SMARCC1: variants seen among roughly 807,000 people sequenced by gnomAD.
The protein encoded by SMARCC1 is SWI/SNF complex subunit SMARCC1.
SMARCC1 carries 43 observed loss-of-function variants against 147.4 expected under a neutral mutation model. The ratio of observed to expected loss-of-function variants is 0.29; its 90% CI spans 0.23 to 0.38. The LOEUF (loss-of-function observed/expected upper bound fraction) is 0.38, where lower values mean the gene tolerates loss of function less well. Among genes scored for constraint, SMARCC1 ranks in the 10% least tolerant of loss-of-function variants. SMARCC1 has a pLI of 1.00. For synonymous variants in SMARCC1, 495 were observed against 484.4 expected, an observed-to-expected ratio of 1.02 and a Z score of -0.29; for missense variants, 1,119 against 1,381.1, an observed-to-expected ratio of 0.81 and a Z score of 3.01.
Position 47,738,112 on chromosome 3 carries a change from TAA to T in SMARCC1, c.402-4_402-3del. On this transcript the variant is annotated splice_region_variant and splice_polypyrimidine_tract_variant and intron_variant, in intron 3 of 27. Coordinates refer to ENST00000254480, the MANE Select transcript of SMARCC1 (RefSeq NM_003074.4). ...GGGTTCTGTAGGTCAAACCTCCGCC[TAA>T]AAAAAAAGAAAAACCCTAGTTAATT... 1.3e-6 allele frequency: 2 copies of T among 1,511,986 alleles called. No homozygotes were observed. The highest frequency in any genetic ancestry group is 2.1e-5 in the Admixed American group (1 of 46,556). 93.7% of individuals were successfully genotyped at this position (1,511,986 alleles called of 1,614,324 possible). A position where few individuals can be genotyped will look rare whatever the true frequency, so the allele number is the denominator to read the frequency against.
At position 47,706,503 on chromosome 3, in the gene SMARCC1, T is replaced by C; in HGVS notation, c.946A>G (p.Arg316Gly). Residue 316 changes from arginine to glycine, a missense_variant, in exon 10 of 28, where the codon AGA (arginine) becomes GGA (glycine). Arg to Gly is a moderately radical substitution (Grantham distance 125). Coordinates refer to ENST00000254480, the MANE Select transcript of SMARCC1 (RefSeq NM_003074.4). Reference sequence around the variant, plus strand: ...TTTCGAGCATTAGCTGATGCTTTTCTATCTCTTCTTTCTGGACTTCTGACT... The same window carrying C: ...TTTCGAGCATTAGCTGATGCTTTTCCATCTCTTCTTTCTGGACTTCTGACT... ...EPVRSPERRDRKASANARKRK... is the reference protein window; with the variant it reads ...EPVRSPERRDGKASANARKRK... 1 of 1,584,250 alleles carries C rather than the reference T, an allele frequency of 6.3e-7. No individual in the cohort carries two copies. Among genetic ancestry groups the C allele is most frequent in the Non-Finnish European group, 8.6e-7 (1 of 1,168,560 alleles).
chr3:47,600,173 G>C (rs1576383358), intron 26 of SMARCC1, among the ~76,000 whole-genome samples: 1 of 152,210 alleles, frequency 6.6e-6, no homozygotes, highest in East Asian at 1.9e-4. Context: ...GGTGTTCTGA[G>C]TATGAGAGGA....
intron 15 of SMARCC1, among the ~76,000 whole-genome samples, chr3:47,679,600 G>A (rs1322297480): frequency 1.3e-5 from 2 of 152,084 alleles, no homozygotes; most frequent in African/African-American, 2.4e-5. Context: ...GGTGGCTCAC[G>A]CCTGTAATCC....
intron 2 of SMARCC1, among the ~76,000 whole-genome samples, chr3:47,763,065 CAAAA>C (rs11285718): frequency 7.1e-6 from 1 of 141,718 alleles, no homozygotes; most frequent in African/African-American, 2.6e-5. Context: ...GACTCCATCT[CAAAA>C]AAAAAAAAAA....
At chr3:47,642,356 A>G (rs1399768707) in intron 21 of SMARCC1, among the ~76,000 whole-genome samples, 1 of 152,120 alleles carries the variant, frequency 6.6e-6, no homozygotes, top group African/African-American at 2.4e-5. Context: ...TTGGGAGGCC[A>G]AGGCAGGTGG....
chr3:47,699,390 G>A (rs2033891262), intron 11 of SMARCC1, among the ~76,000 whole-genome samples: 1 of 151,998 alleles, frequency 6.6e-6, no homozygotes, highest in African/African-American at 2.4e-5. Flanking sequence ...CATTTTCCTT[G>A]CATCTTTGTC....
Position 47,590,576 on chromosome 3 carries a change from G to A in SMARCC1, c.3220+85C>T, listed in dbSNP as rs918172321. 1.4e-5 allele frequency: 17 copies of A among 1,212,342 alleles called. No individual in the cohort carries two copies. In the East Asian group the frequency reaches 1.4e-4, roughly 10 times the overall value. 75.1% of individuals were successfully genotyped at this position (1,212,342 alleles called of 1,614,324 possible). Reference sequence around the variant, plus strand: ...ATCATCCATGGACCTGCCAAATCTCGGGGAGAGAACAAAGCCTCCTTCCCT... The same window carrying A: ...ATCATCCATGGACCTGCCAAATCTCAGGGAGAGAACAAAGCCTCCTTCCCT... On this transcript the variant is annotated intron_variant, in intron 27 of 27. Transcript: ENST00000254480.
rs140898075 is a variant in SMARCC1 at position 47,635,270 on chromosome 3, T to C, written c.2566A>G (p.Lys856Glu). The part of the protein sequence containing the change: ...KERESDTGKK[K>E]VEHEISEGNV... ...CCTTCGGAAATTTCATGTTCTACTT[T>C]CTTCTTCCCAGTATCACTTTCTCTT... is the stretch of plus-strand genomic sequence containing the variant. Residue 856 changes from lysine to glutamate, a missense_variant, in exon 24 of 28, where the codon AAA becomes GAA. Coordinates refer to ENST00000254480, the MANE Select transcript of SMARCC1 (RefSeq NM_003074.4). 8.2e-5 allele frequency: 132 copies of C among 1,613,464 alleles called. No homozygotes were observed. The Admixed American group carries it at 1.9e-3, about 24-fold the overall frequency.
At chr3:47,728,883 C>T (rs1285710469) in intron 6 of SMARCC1, 142 bp downstream of exon 6, 1 of 477,170 alleles carries the variant, frequency 2.1e-6, no homozygotes, top group Non-Finnish European at 3.7e-6. Context: ...TGCACTCCAG[C>T]CTGGGCGACA....
intron 14 of SMARCC1, among the ~76,000 whole-genome samples, chr3:47,680,844 G>A (rs1053467594): frequency 6.6e-6 from 1 of 152,082 alleles, no homozygotes; most frequent in African/African-American, 2.4e-5. Flanking sequence ...ACCGCGCCCG[G>A]CCGGAGTGTT....
chr3:47,753,712 C>CAAAAAAAAAAAAAAAAAAAAA (rs71070226), intron 2 of SMARCC1, among the ~76,000 whole-genome samples: 1 of 69,626 alleles, frequency 1.4e-5, no homozygotes, highest in Non-Finnish European at 2.6e-5. Flanking sequence ...AACTCCATCT[C>CAAAAAAAAAAAAAAAAAAAAA]AAAAAAAAAA....
At chr3:47,647,770 A>G (rs1283768213) in intron 21 of SMARCC1, among the ~76,000 whole-genome samples, 4 of 152,212 alleles carry the variant, frequency 2.6e-5, no homozygotes, top group African/African-American at 9.7e-5. Flanking sequence ...AAAGCCAGCA[A>G]TACACAGTCC....
chr3:47,697,747 C>T (rs2033870597), intron 11 of SMARCC1, among the ~76,000 whole-genome samples: 1 of 151,702 alleles, frequency 6.6e-6, no homozygotes, highest in Admixed American at 6.6e-5. Flanking sequence ...GTGGCTCACG[C>T]CTGTAATCCC....
At chr3:47,672,224 T>G (rs1297608845) in intron 18 of SMARCC1, among the ~76,000 whole-genome samples, 1 of 149,840 alleles carries the variant, frequency 6.7e-6, no homozygotes, top group Non-Finnish European at 1.5e-5. Context: ...ACTTTTCTTT[T>G]CTTTTTTTGA....
intron 2 of SMARCC1, among the ~76,000 whole-genome samples, chr3:47,767,086 G>A (rs2034848775): frequency 2.0e-5 from 3 of 150,796 alleles, no homozygotes; most frequent in Non-Finnish European, 4.4e-5. Flanking sequence ...GGGAGGCTGA[G>A]GCAGGAGAAT....
At chr3:47,638,591 C>A in intron 22 of SMARCC1, 134 bp downstream of exon 22, 1 of 696,970 alleles carries the variant, frequency 1.4e-6, no homozygotes, top group Non-Finnish European at 2.6e-6. Flanking sequence ...AGAACTATAC[C>A]TTAAACCAGC....
intron 26 of SMARCC1, among the ~76,000 whole-genome samples, chr3:47,592,269 T>C (rs11716582): frequency 0.6 from 90,805 of 152,106 alleles, 28,319 homozygotes; most frequent in East Asian, 0.72. Context: ...CCATATGGTC[T>C]GTGTCACAAC....
chr3:47,669,496 C>T (rs932145472), intron 19 of SMARCC1, among the ~76,000 whole-genome samples: 1 of 151,958 alleles, frequency 6.6e-6, no homozygotes, highest in Non-Finnish European at 1.5e-5. Context: ...TATGGCTATA[C>T]AAAATAGTCC....
chr3:47,644,095 C>T (rs2033086990), intron 21 of SMARCC1, among the ~76,000 whole-genome samples: 1 of 152,082 alleles, frequency 6.6e-6, no homozygotes, highest in Non-Finnish European at 1.5e-5. Context: ...GGAAAAGGGA[C>T]TGCTTGAGCC....
Sources: allele counts gnomAD v4.1 joint callset (sites outside exome capture counted in the v4.1 genomes callset), GRCh38; gene constraint gnomAD v4.1.1; transcripts MANE v1.5; gene names NCBI Gene and HGNC (gene_info 2026-07-23, HGNC 2026-07-21).